GPR20: variants seen among roughly 807,000 people sequenced by gnomAD.
The protein encoded by GPR20 is CTD-3064M3.3.
For synonymous variants in GPR20, 241 were observed against 241.9 expected (o/e 1.00, Z 0.04); for missense variants, 494 against 527.4 (o/e 0.94, Z 0.62).
In GPR20 at chr8:141,357,908, G is replaced by A. The variant is rs1831676941; in HGVS notation, c.16C>T (p.Pro6Ser). 2 of 1,565,030 alleles carry A rather than the reference G, an allele frequency of 1.3e-6. No homozygotes were observed. Among genetic ancestry groups the A allele is most frequent in the Non-Finnish European group, 1.7e-6 (2 of 1,152,012 alleles). The change falls in exon 2 of 2, where the codon CCA becomes TCA. Residue 6 changes from proline (P) to serine (S), a missense_variant. Physicochemically the swap from Pro to Ser is moderately conservative, Grantham distance 74. Coordinates refer to ENST00000377741, the MANE Select transcript of GPR20 (RefSeq NM_005293.3). MPSVS[P>S]AGPSAGAVPN... ...ACTGCCCCGGCCGAGGGCCCCGCTG[G>A]AGACACAGAGGGCATGACGGCAGCC...
At chr8:141,358,400 C>A (rs556341094) in intron 1 of GPR20, among the ~76,000 whole-genome samples, 2 of 152,242 alleles carry the variant, frequency 1.3e-5, no homozygotes, top group Non-Finnish European at 2.9e-5. Context: ...CACTTAACCT[C>A]TCTACCTGCT....
At chr8:141,361,642 G>A (rs185055067) in intron 1 of GPR20, among the ~76,000 whole-genome samples, 69 of 152,260 alleles carry the variant, frequency 4.5e-4, no homozygotes, top group Middle Eastern at 3.4e-3. Flanking sequence ...CACTGCCCCC[G>A]CCAGCCTGGA....
At chr8:141,362,452 T>C (rs1831748703) in intron 1 of GPR20, among the ~76,000 whole-genome samples, 1 of 152,200 alleles carries the variant, frequency 6.6e-6, no homozygotes, top group Non-Finnish European at 1.5e-5. Flanking sequence ...CAGATTGGCC[T>C]GGCAGAGAGC....
rs752378211 is a variant in GPR20, at chr8:141,357,247, G to A, written c.677C>T (p.Pro226Leu). The change falls in exon 2 of 2, where the codon CCG (proline) becomes CTG (leucine). Residue 226 changes from proline to leucine, a missense_variant. Physicochemically the swap from Pro to Leu is moderately conservative, Grantham distance 98. Transcript: ENST00000377741. ...CTGGCGACCCTGGTGGAGCAGACCC[G>A]GCCGCGACAGTGCACACATGATGCG... Reference protein sequence around the residue: ...TGRIMCALSRPGLLHQGRQRR... With the variant: ...TGRIMCALSRLGLLHQGRQRR... 2.3e-5 allele frequency: 35 copies of A among 1,545,594 alleles called. No individual in the cohort carries two copies. The highest frequency in any genetic ancestry group is 1.7e-4 in the Middle Eastern group (1 of 6,014).
At position 141,356,718 on chromosome 8, in the gene GPR20, A is replaced by G. The variant is rs565035183; in HGVS notation, c.*129T>C. The G allele has an allele frequency of 3.1e-6, 2 of 641,550 alleles. No homozygotes were observed. The highest frequency in any genetic ancestry group is 2.7e-5 in the East Asian group (1 of 36,418). 39.7% of individuals were successfully genotyped at this position (641,550 alleles called of 1,614,324 possible). A position where few individuals can be genotyped will look rare whatever the true frequency, so the allele number is the denominator to read the frequency against. On this transcript the variant is annotated 3_prime_UTR_variant, in exon 2 of 2. Transcript: ENST00000377741. ...ACAGCACAGTGGCCTTAGACGCTCA[A>G]TGCGGTGCTCTGGGTAGCCATCACC...
At chr8:141,358,050 T>C (rs7388121) in intron 1 of GPR20, 103 bp from the exon 2 acceptor site, 70 of 618,896 alleles carry the variant, frequency 1.1e-4, no homozygotes, top group Admixed American at 1.1e-3. Context: ...ACGCCCAGCA[T>C]CCCCCTTCTC....
At position 141,356,813 on chromosome 8, in the gene GPR20, T is replaced by A. The variant is rs149098116; in HGVS notation, c.*34A>T. The A allele has an allele frequency of 1.6e-3, 2,418 of 1,488,786 alleles. 1 individual carries two copies. The highest frequency in any genetic ancestry group is 2.1e-3 in the Non-Finnish European group (2,251 of 1,092,116). The allele number at this position is 1,488,786 out of a possible 1,614,324, so 92.2% of individuals were successfully genotyped here. A position where few individuals can be genotyped will look rare whatever the true frequency, so the allele number is the denominator to read the frequency against. ...GTCCACGCTGGCATGCCCAGATGAGTCCTGACCTTCGGCCCCTGGCAGAGC... is the reference window on the plus strand; with the variant it reads ...GTCCACGCTGGCATGCCCAGATGAGACCTGACCTTCGGCCCCTGGCAGAGC... On this transcript the variant is annotated 3_prime_UTR_variant, in exon 2 of 2. Transcript: ENST00000377741.
At position 141,357,069 on chromosome 8, in the gene GPR20, G is replaced by A; in HGVS notation, c.855C>T (p.Leu285=). 2 of 1,612,586 alleles carry A rather than the reference G, an allele frequency of 1.2e-6. No homozygotes were observed. The highest frequency in any genetic ancestry group is 2.2e-5 in the South Asian group (2 of 91,064). ...SLVVYHVAVT[L]SSLNSCMDPI... ...GGTCCATGCAGCTGTTGAGGCTGCT[G>A]AGGGTCACGGCCACGTGGTAGACCA... The change falls in exon 2 of 2, where the codon CTC becomes CTT. Residue 285 remains leucine, a synonymous_variant. Coordinates refer to ENST00000377741, the MANE Select transcript of GPR20 (RefSeq NM_005293.3).
At chr8:141,358,577 C>T (rs1831687541) in intron 1 of GPR20, among the ~76,000 whole-genome samples, 2 of 152,238 alleles carry the variant, frequency 1.3e-5, no homozygotes, top group African/African-American at 4.8e-5. Flanking sequence ...GTCCCCACAC[C>T]CACCGTCATG....
intron 1 of GPR20, among the ~76,000 whole-genome samples, chr8:141,358,400 C>T (rs556341094): frequency 1.2e-3 from 178 of 152,360 alleles, no homozygotes; most frequent in African/African-American, 4.1e-3. Context: ...CACTTAACCT[C>T]TCTACCTGCT....
At chr8:141,360,128 C>T (rs908426741) in intron 1 of GPR20, among the ~76,000 whole-genome samples, 8 of 152,142 alleles carry the variant, frequency 5.3e-5, no homozygotes, top group South Asian at 2.1e-4. Flanking sequence ...GGGGGCTCTG[C>T]GGTCTCTGGA....
chr8:141,358,978 T>C (rs1311292340), intron 1 of GPR20, among the ~76,000 whole-genome samples: 1 of 152,100 alleles, frequency 6.6e-6, no homozygotes, highest in East Asian at 1.9e-4. Flanking sequence ...CTGGCGTGTT[T>C]AACTCGGCAG....
chr8:141,356,650 A>C lies in GPR20; in HGVS notation c.*197T>G. ...ACAGCAAATCACCGGCATTCAGGCC[A>C]CCACATCCCATCGGAGCCAGTGGCA... On this transcript the variant is annotated 3_prime_UTR_variant, in exon 2 of 2. Coordinates refer to ENST00000377741, the MANE Select transcript of GPR20 (RefSeq NM_005293.3). The C allele has an allele frequency of 3.9e-6, 2 of 519,086 alleles. No homozygotes were observed. The highest frequency in any genetic ancestry group is 6.8e-6 in the Non-Finnish European group (2 of 295,416). The allele number at this position is 519,086 out of a possible 1,614,324, so 32.2% of individuals were successfully genotyped here. A position where few individuals can be genotyped will look rare whatever the true frequency, so the allele number is the denominator to read the frequency against.
chr8:141,361,441 C>G (rs1331256728), intron 1 of GPR20, among the ~76,000 whole-genome samples: 1 of 152,230 alleles, frequency 6.6e-6, no homozygotes, highest in Non-Finnish European at 1.5e-5. Context: ...GTTTCCTCAT[C>G]TGTAGAGTGG....
intron 1 of GPR20, among the ~76,000 whole-genome samples, chr8:141,363,030 G>A (rs1831759477): frequency 6.6e-6 from 1 of 152,216 alleles, no homozygotes; most frequent in East Asian, 1.9e-4. Flanking sequence ...TGGGATTACA[G>A]GCGTGAGCTA....
chr8:141,357,975 A>G (rs1274193843), intron 1 of GPR20, 28 bp from the exon 2 acceptor site: 1 of 1,194,920 alleles, frequency 8.4e-7, no homozygotes, highest in African/African-American at 1.5e-5. Flanking sequence ...AGGTCACCCC[A>G]GGCGCCAGCC....
chr8:141,357,338 G>T lies in GPR20; in HGVS notation c.586C>A (p.Arg196Ser), dbSNP rs764359722. The change falls in exon 2 of 2, where the codon CGT becomes AGT. Residue 196 changes from arginine to serine, a missense_variant. Physicochemically the swap from Arg to Ser is moderately radical, Grantham distance 110 (BLOSUM62 -1). Coordinates refer to ENST00000377741, the MANE Select transcript of GPR20 (RefSeq NM_005293.3). The part of the protein sequence containing the change: ...LGVTGSRPCC[R>S]VFALTVLEFL... ...TCCAGGACAGTCAGCGCAAAGACAC[G>T]GCAGCAGGGCCGGCTGCCTGTCACG... is the stretch of plus-strand genomic sequence containing the variant. The T allele has an allele frequency of 2.6e-6, 4 of 1,548,242 alleles. No homozygotes were observed. Among genetic ancestry groups the T allele is most frequent in the Admixed American group, 1.9e-5 (1 of 51,556 alleles).
At position 141,357,568 on chromosome 8, in the gene GPR20, C is replaced by T; in HGVS notation, c.356G>A (p.Cys119Tyr). ...GACGTGCGGGAAGGCACAGCGCAGG[C>T]AGCCCCTGGCGCCGTAGTACACAGC... The part of the protein sequence containing the change: ...RFAVYYGARG[C>Y]LRCAFPHVLG... Residue 119 changes from cysteine to tyrosine, a missense_variant, in exon 2 of 2, where the codon TGC becomes TAC. Coordinates refer to ENST00000377741, the MANE Select transcript of GPR20 (RefSeq NM_005293.3). 1.2e-6 allele frequency: 2 copies of T among 1,613,882 alleles called. No homozygotes were observed. Among genetic ancestry groups the T allele is most frequent in the Non-Finnish European group, 1.7e-6 (2 of 1,180,010 alleles).
Position 141,360,417 on chromosome 8 carries a change from G to A in GPR20, c.-24-2470C>T, listed in dbSNP as rs183289309. On this transcript the variant is annotated intron_variant, in intron 1 of 1. Coordinates refer to ENST00000377741, the MANE Select transcript of GPR20 (RefSeq NM_005293.3). The stretch of plus-strand genomic sequence containing the variant: ...TGTGGCGCTCTGAGCCCTGATCCCA[G>A]CCACGACCTGGGCCCTCAGCCCGGA... Among the ~76,000 whole-genome samples the A allele has an allele frequency of 3.6e-3, 550 of 152,280 alleles. 7 individuals are homozygous for A. The highest frequency in any genetic ancestry group is 0.013 in the African/African-American group (531 of 41,566).
Sources: gnomAD v4.1 joint callset for allele counts (sites outside exome capture counted in the v4.1 genomes callset) on GRCh38, gnomAD v4.1.1 for gene constraint, MANE v1.5 for transcripts, NCBI Gene and HGNC (gene_info 2026-07-23, HGNC 2026-07-21) for gene names.